The following KCTD19 variants were observed in gnomAD, a reference collection of about 807,000 sequenced individuals.
The protein encoded by KCTD19 is potassium channel tetramerization domain containing 19, also known as BTB/POZ domain-containing protein KCTD19.
A neutral mutation model predicts 103.5 loss-of-function variants in KCTD19; 67 were observed. The observed-to-expected ratio is 0.65, with a 90% CI of 0.53 to 0.79. The LOEUF is 0.79. Ranked by LOEUF, KCTD19 falls within the 30% of genes least tolerant of loss-of-function variation. The pLI is 0.00. For missense variants in KCTD19, 980 were observed against 1,136.1 expected, an observed-to-expected ratio of 0.86 and a Z score of 1.98; for synonymous variants, 439 against 452.2, an observed-to-expected ratio of 0.97 and a Z score of 0.37.
At chr16:67,310,924 G>A (rs1030385618) in intron 2 of KCTD19, among the ~76,000 whole-genome samples, 1 of 152,214 alleles carries the variant, frequency 6.6e-6, no homozygotes, top group Non-Finnish European at 1.5e-5. Flanking sequence ...AAAAGGATGT[G>A]CAGAACAGCT....
intron 8 of KCTD19, 79 bp from the exon 9 acceptor site, chr16:67,295,484 C>T: frequency 7.5e-7 from 1 of 1,339,522 alleles, no homozygotes; most frequent in Non-Finnish European, 1.0e-6. Flanking sequence ...TCTCACTCCC[C>T]TTTTCCAACT....
At chr16:67,312,144 G>A (rs1035466673) in intron 2 of KCTD19, among the ~76,000 whole-genome samples, 4 of 152,164 alleles carry the variant, frequency 2.6e-5, no homozygotes, top group African/African-American at 9.7e-5. Context: ...GTCCCCAGAA[G>A]GTGTGAAAAA....
At chr16:67,302,953 C>T (rs529149522) in intron 4 of KCTD19, 193 bp downstream of exon 4, 1 of 594,322 alleles carries the variant, frequency 1.7e-6, no homozygotes, top group African/African-American at 1.9e-5. Context: ...ATAAAACAGC[C>T]CTGAGTCTAG....
intron 7 of KCTD19, among the ~76,000 whole-genome samples, 164 bp from the exon 8 acceptor site, chr16:67,296,423 G>C (rs2036765973): frequency 6.6e-6 from 1 of 152,096 alleles, no homozygotes; most frequent in African/African-American, 2.4e-5. Flanking sequence ...CATAAACCTT[G>C]CTTGCTGCAA....
In KCTD19 at chr16:67,295,343, G is replaced by T. The variant is rs370644881; in HGVS notation, c.1311C>A (p.Leu437=). 98 of 1,614,000 alleles carry T rather than the reference G, an allele frequency of 6.1e-5. 1 individual carries two copies. Among genetic ancestry groups the T allele is most frequent in the Non-Finnish European group, 7.7e-5 (91 of 1,179,980 alleles). The change falls in exon 9 of 16, where the codon CTC becomes CTA. Residue 437 remains leucine, a synonymous_variant. Transcript: ENST00000304372. ...VYWITYGQTL[L]IHGDGQMFRH... is the part of the protein sequence containing the mutation. ...GGAACATCTGGCCATCCCCGTGGAT[G>T]AGCAGGGTTTGTCCATATGTGATCC...
At chr16:67,305,566 G>C in intron 2 of KCTD19, 1 of 455,192 alleles carries the variant, frequency 2.2e-6, no homozygotes, top group Non-Finnish European at 4.4e-6. Flanking sequence ...GCCCAGGGCG[G>C]TCTTCGTGCC....
chr16:67,313,179 A>C (rs981700707), intron 2 of KCTD19, among the ~76,000 whole-genome samples: 1 of 150,156 alleles, frequency 6.7e-6, no homozygotes, highest in Non-Finnish European at 1.5e-5. Context: ...GTGCGATCTC[A>C]GCTCACTGCA....
chr16:67,298,220 C>T (rs1175613182), intron 6 of KCTD19, among the ~76,000 whole-genome samples: 1 of 152,024 alleles, frequency 6.6e-6, no homozygotes, highest in Non-Finnish European at 1.5e-5. Context: ...GTCTCAATCT[C>T]TTGACCTCAT....
Position 67,313,587 on chromosome 16 carries a change from A to G in KCTD19, c.300+7002T>C, listed in dbSNP as rs941136196. ...TGATCTAAGGTTAAGCCAGCAGCCA[A>G]TGATCTTTCTTTTTATTTGGGGATA... is the stretch of plus-strand genomic sequence containing the variant. On this transcript the variant is annotated intron_variant, in intron 2 of 15. Coordinates refer to ENST00000304372, the MANE Select transcript of KCTD19 (RefSeq NM_001100915.3). Among the ~76,000 whole-genome samples the G allele has an allele frequency of 4.6e-5, 7 of 152,114 alleles. No individual in the cohort carries two copies. In the East Asian group the frequency reaches 7.8e-4, roughly 17 times the overall value.
chr16:67,291,197 C>G, intron 14 of KCTD19, 112 bp downstream of exon 14: 1 of 1,373,584 alleles, frequency 7.3e-7, no homozygotes, highest in African/African-American at 1.4e-5. Context: ...CTGGCCTTCT[C>G]CTTAACCCCA....
Position 67,303,352 on chromosome 16 carries a change from G to T in KCTD19, c.452-15C>A. ...ATCATGTAGGCCTGGAAGAGAACAT[G>T]CAGGCAGTGTTGCCACCTCTCAGAA... On this transcript the variant is annotated splice_polypyrimidine_tract_variant and intron_variant, in intron 3 of 15. Transcript: ENST00000304372. This position sits in a 1 kb window ranked among gnomAD's most constrained non-coding sequence, Gnocchi z 4.3. 6.3e-7 allele frequency: 1 copy of T among 1,597,790 alleles called. No homozygotes were observed. The highest frequency in any genetic ancestry group is 8.5e-7 in the Non-Finnish European group (1 of 1,170,044).
At chr16:67,315,311 CTTTTTT>C (rs771972233) in intron 2 of KCTD19, among the ~76,000 whole-genome samples, 1 of 141,516 alleles carries the variant, frequency 7.1e-6, no homozygotes, top group African/African-American at 2.6e-5. Flanking sequence ...AACTATTCCT[CTTTTTT>C]TTTTTTTTGG....
intron 2 of KCTD19, among the ~76,000 whole-genome samples, chr16:67,312,226 G>A (rs975115584): frequency 1.3e-5 from 2 of 152,276 alleles, no homozygotes; most frequent in South Asian, 2.1e-4. Context: ...AAAAAGAATC[G>A]ATAATTTGCC....
At chr16:67,289,850 T>C (rs1254531331) in intron 15 of KCTD19, among the ~76,000 whole-genome samples, 168 bp from the exon 16 acceptor site, 1 of 152,232 alleles carries the variant, frequency 6.6e-6, no homozygotes, top group African/African-American at 2.4e-5. Flanking sequence ...AGGGTGGGGC[T>C]AGAAATGGCT....
At position 67,303,359 on chromosome 16, in the gene KCTD19, G is replaced by A. The variant is rs747838545; in HGVS notation, c.452-22C>T. The A allele has an allele frequency of 6.3e-7, 1 of 1,589,436 alleles. No individual in the cohort carries two copies. The highest frequency in any genetic ancestry group is 8.6e-7 in the Non-Finnish European group (1 of 1,165,058). On this transcript the variant is annotated intron_variant, in intron 3 of 15. Coordinates refer to ENST00000304372, the MANE Select transcript of KCTD19 (RefSeq NM_001100915.3). The surrounding 1 kb of genome is among the most constrained non-coding windows in gnomAD (Gnocchi z 4.3). ...AGGCCTGGAAGAGAACATGCAGGCA[G>A]TGTTGCCACCTCTCAGAAGCCAGGG...
At chr16:67,296,345 G>T (rs998228747) in intron 7 of KCTD19, 86 bp from the exon 8 acceptor site, 3 of 824,350 alleles carry the variant, frequency 3.6e-6, no homozygotes, top group Non-Finnish European at 6.4e-6. Context: ...TGTATTTCAC[G>T]TTAAGTCTCA....
At chr16:67,291,605 C>G in intron 13 of KCTD19, 41 bp downstream of exon 13, 3 of 1,594,146 alleles carry the variant, frequency 1.9e-6, no homozygotes, top group Non-Finnish European at 2.6e-6. Flanking sequence ...CAGGCATCCT[C>G]ACGAGGAGGC....
intron 6 of KCTD19, among the ~76,000 whole-genome samples, chr16:67,298,023 T>C (rs2036787787): frequency 7.2e-6 from 1 of 139,284 alleles, no homozygotes; most frequent in African/African-American, 2.7e-5. Context: ...AGACGGAGTC[T>C]AACTCTGTCA....
At chr16:67,297,468 A>G in intron 7 of KCTD19, 35 bp downstream of exon 7, 1 of 1,606,090 alleles carries the variant, frequency 6.2e-7, no homozygotes. Context: ...TACTCCCCTG[A>G]TGCTAAATTC....
Sources: gnomAD v4.1 joint callset for allele counts (sites outside exome capture counted in the v4.1 genomes callset) on GRCh38, gnomAD v4.1.1 for gene constraint, Gnocchi (gnomAD v3.1) non-coding constraint, MANE v1.5 for transcripts, NCBI Gene and HGNC (gene_info 2026-07-23, HGNC 2026-07-21) for gene names.